Variants in FYTTD1 observed in about 807,000 individuals in gnomAD.
The protein encoded by FYTTD1 is UAP56-interacting factor.
In FYTTD1, 22 loss-of-function variants were observed where a neutral mutation model predicts 40.9. The ratio of observed to expected loss-of-function variants is 0.54; its 90% CI spans 0.38 to 0.77. The LOEUF is 0.77. FYTTD1 is among the 30% of genes least tolerant of loss of function. The probability of loss-of-function intolerance (pLI) is 0.00; values close to 1 mark genes in which losing one functional copy is unlikely to be tolerated. For synonymous variants in FYTTD1, 140 were observed against 137.9 expected, an observed-to-expected ratio of 1.01 and a Z score of -0.10; for missense variants, 351 against 392.2, an observed-to-expected ratio of 0.90 and a Z score of 0.89.
intron 2 of FYTTD1, among the ~76,000 whole-genome samples, chr3:197,757,081 A>G (rs547217448): frequency 4.3e-4 from 65 of 152,368 alleles, no homozygotes; most frequent in African/African-American, 1.5e-3. Context: ...TACATTCTGC[A>G]TAGAAAATGA....
At chr3:197,767,226 G>A (rs978256445) in intron 2 of FYTTD1, among the ~76,000 whole-genome samples, 2 of 151,942 alleles carry the variant, frequency 1.3e-5, no homozygotes, top group Non-Finnish European at 2.9e-5. Context: ...TGCAAGCTCC[G>A]CCTCCCAGTT....
intron 3 of FYTTD1, among the ~76,000 whole-genome samples, chr3:197,768,909 C>T (rs1189361908): frequency 6.6e-6 from 1 of 151,760 alleles, no homozygotes; most frequent in Non-Finnish European, 1.5e-5. Flanking sequence ...TCTCCTGCCT[C>T]AGCCTCCCGA....
At position 197,761,406 on chromosome 3, in the gene FYTTD1, T is replaced by C. The variant is rs1729384729; in HGVS notation, c.235+4849T>C. Among the ~76,000 whole-genome samples the C allele has an allele frequency of 2.6e-5, 4 of 152,010 alleles. No homozygotes were observed. The South Asian group carries it at 8.3e-4, about 31-fold the overall frequency. ...TAGAATGTATAGAATTGTTCTTCAG[T>C]GGTAGAATGTATAGAGTTGTTCCTC... On this transcript the variant is annotated intron_variant, in intron 2 of 8. Transcript: ENST00000241502.
chr3:197,776,909 T>C lies in FYTTD1; in HGVS notation c.657-18T>C. On this transcript the variant is annotated intron_variant, in intron 6 of 8. Transcript: ENST00000241502. ...CAACTTACATTTAATGAATTTTTTTTATTTTTTTTGAAACTAGATGGCGGA... is the reference window on the plus strand; with the variant it reads ...CAACTTACATTTAATGAATTTTTTTCATTTTTTTTGAAACTAGATGGCGGA... 5.1e-6 allele frequency: 8 copies of C among 1,553,450 alleles called. 1 individual carries two copies. The highest frequency in any genetic ancestry group is 7.1e-6 in the Non-Finnish European group (8 of 1,128,850).
intron 1 of FYTTD1, among the ~76,000 whole-genome samples, chr3:197,753,552 T>C (rs1393985602): frequency 6.6e-6 from 1 of 151,890 alleles, no homozygotes; most frequent in Non-Finnish European, 1.5e-5. Context: ...TTAATTCTGA[T>C]ACCTGTGTAT....
At position 197,768,526 on chromosome 3, in the gene FYTTD1, G is replaced by A. The variant is rs1446257139; in HGVS notation, c.323G>A (p.Arg108Lys). 8 of 1,613,636 alleles carry A rather than the reference G, an allele frequency of 5.0e-6. No homozygotes were observed. The Admixed American group carries it at 1.3e-4, about 27-fold the overall frequency. ...PNGVITGLAA[R>K]KTTGIRKGIS... ...GGAGTTATCACTGGCCTTGCAGCTA[G>A]GAAAACGACTGGAATTCGAAAAGGA... is the stretch of plus-strand genomic sequence containing the variant. The change falls in exon 3 of 9, where the codon AGG (arginine) becomes AAG (lysine). Residue 108 changes from arginine (R) to lysine (K), a missense_variant. Transcript: ENST00000241502.
chr3:197,776,380 ATTTGTTTTT>A lies in FYTTD1; in HGVS notation c.657-543_657-535del, dbSNP rs1351346127. Among the ~76,000 whole-genome samples, 4 of 117,568 alleles carry A rather than the reference ATTTGTTTTT, an allele frequency of 3.4e-5. No individual in the cohort carries two copies. In the East Asian group the frequency reaches 7.7e-4, roughly 23 times the overall value. The allele number at this position is 117,568 out of a possible 152,430, so 77.1% of individuals were successfully genotyped here. A position where few individuals can be genotyped will look rare whatever the true frequency, so the allele number is the denominator to read the frequency against. Reference sequence around the variant, plus strand: ...CCACCACACCCCACGCCCAGCTTAAATTTGTTTTTTTTTTTTTTTTTTTTGGTAGAGATG... The same window carrying A: ...CCACCACACCCCACGCCCAGCTTAAATTTTTTTTTTTTTTTGGTAGAGATG... On this transcript the variant is annotated intron_variant, in intron 6 of 8. Coordinates refer to ENST00000241502, the MANE Select transcript of FYTTD1 (RefSeq NM_032288.7).
At chr3:197,756,671 T>A (rs1729224782) in intron 2 of FYTTD1, 114 bp downstream of exon 2, 3 of 992,932 alleles carry the variant, frequency 3.0e-6, no homozygotes, top group Admixed American at 4.3e-5. Flanking sequence ...GTGTTTTGTG[T>A]TTCCTCTATG....
intron 3 of FYTTD1, 86 bp from the exon 4 acceptor site, chr3:197,770,046 T>A: frequency 1.3e-6 from 1 of 774,452 alleles, no homozygotes; most frequent in East Asian, 2.7e-5. Context: ...TGTCAATCCT[T>A]GTTCATTCTG....
intron 2 of FYTTD1, among the ~76,000 whole-genome samples, chr3:197,760,635 A>G (rs1359296273): frequency 6.6e-6 from 1 of 151,860 alleles, no homozygotes; most frequent in African/African-American, 2.4e-5. Context: ...TCAGTGGTAG[A>G]ATGTATACAG....
intron 2 of FYTTD1, among the ~76,000 whole-genome samples, chr3:197,760,700 AGTT>A: frequency 6.6e-6 from 1 of 151,514 alleles, no homozygotes; most frequent in Middle Eastern, 3.5e-3. Context: ...TAATGTATGG[AGTT>A]GTTCTTCAGT....
chr3:197,763,928 C>T (rs78106539), intron 2 of FYTTD1, among the ~76,000 whole-genome samples: 3,631 of 152,268 alleles, frequency 0.024, 85 homozygotes, highest in East Asian at 0.055. Flanking sequence ...GTTGCACCTG[C>T]GGAGCTTTGT....
chr3:197,757,405 A>G (rs774720244), intron 2 of FYTTD1, among the ~76,000 whole-genome samples: 1 of 152,254 alleles, frequency 6.6e-6, no homozygotes, highest in Non-Finnish European at 1.5e-5. Flanking sequence ...TTTTTATTCT[A>G]TATGTTGAAA....
intron 1 of FYTTD1, 37 bp downstream of exon 1, chr3:197,750,111 G>A (rs1728957550): frequency 2.0e-6 from 3 of 1,466,992 alleles, no homozygotes; most frequent in Non-Finnish European, 2.8e-6. Flanking sequence ...GAGTGCGGGG[G>A]AGGGCGCGGG....
intron 2 of FYTTD1, among the ~76,000 whole-genome samples, chr3:197,767,740 AC>A (rs1230152663): frequency 1.3e-5 from 2 of 152,220 alleles, no homozygotes; most frequent in Non-Finnish European, 2.9e-5. Flanking sequence ...GGCGTGAGCC[AC>A]TGTGCCCAGC....
At chr3:197,759,930 C>G (rs1048181952) in intron 2 of FYTTD1, among the ~76,000 whole-genome samples, 4 of 150,082 alleles carry the variant, frequency 2.7e-5, no homozygotes, top group African/African-American at 7.4e-5. Flanking sequence ...ATAGAGTGTT[C>G]TTCAGTGGTA....
intron 4 of FYTTD1, among the ~76,000 whole-genome samples, chr3:197,771,121 G>A (rs535881554): frequency 6.6e-6 from 1 of 152,298 alleles, no homozygotes; most frequent in Admixed American, 6.5e-5. Flanking sequence ...TTACGAGGCT[G>A]AGGCAGGAGG....
intron 4 of FYTTD1, among the ~76,000 whole-genome samples, chr3:197,771,638 G>C (rs534049368): frequency 6.6e-6 from 1 of 151,928 alleles, no homozygotes; most frequent in South Asian, 2.1e-4. Context: ...TTAGCCGGGC[G>C]TGGTGGCGGG....
intron 8 of FYTTD1, among the ~76,000 whole-genome samples, chr3:197,779,794 A>AC (rs1729975559): frequency 4.0e-5 from 5 of 124,924 alleles, no homozygotes; most frequent in East Asian, 2.6e-4. Context: ...GATACAGGCA[A>AC]ACACCACCAC....
Sources: allele counts gnomAD v4.1 joint callset (sites outside exome capture counted in the v4.1 genomes callset), GRCh38; gene constraint gnomAD v4.1.1; transcripts MANE v1.5; gene names NCBI Gene and HGNC (gene_info 2026-07-23, HGNC 2026-07-21).